Variants in AFAP1L1 observed in about 807,000 individuals in gnomAD.
AFAP1L1 encodes the protein actin filament-associated protein 1-like 1.
In AFAP1L1, 77 loss-of-function variants were observed where a neutral mutation model predicts 99.8. The observed-to-expected ratio is 0.77, with a 90% CI of 0.64 to 0.93. The LOEUF (loss-of-function observed/expected upper bound fraction) is 0.93, where lower values mean the gene tolerates loss of function less well. Among genes scored for constraint, AFAP1L1 ranks in the 40% least tolerant of loss-of-function variants. The probability of loss-of-function intolerance (pLI) is 0.00; values close to 1 mark genes in which losing one functional copy is unlikely to be tolerated. For missense variants in AFAP1L1, 893 were observed against 996.8 expected, an observed-to-expected ratio of 0.90 and a Z score of 1.40; for synonymous variants, 373 against 395.3, an observed-to-expected ratio of 0.94 and a Z score of 0.67.
rs758297836 is a variant in AFAP1L1, at chr5:149,307,642, C to T, written c.747+29C>T. 23 of 1,607,130 alleles carry T rather than the reference C, an allele frequency of 1.4e-5. No homozygotes were observed. The South Asian group carries it at 1.7e-4, about 12-fold the overall frequency. On this transcript the variant is annotated intron_variant, in intron 7 of 18. Transcript: ENST00000296721. ...AGTGGTCAGCAGCAGCCATGTGCCT[C>T]GGCCTCACATGGACTTGCATGTGGG...
intron 1 of AFAP1L1, among the ~76,000 whole-genome samples, chr5:149,291,082 A>C (rs1211462008): frequency 1.3e-5 from 2 of 152,196 alleles, no homozygotes; most frequent in Non-Finnish European, 2.9e-5. Flanking sequence ...AGAACAAGGA[A>C]GGTATCCCTG....
intron 7 of AFAP1L1, among the ~76,000 whole-genome samples, chr5:149,308,742 C>T (rs192679958): frequency 2.0e-5 from 3 of 152,200 alleles, no homozygotes; most frequent in East Asian, 3.9e-4. Context: ...ACCTCAAGCA[C>T]AATGCAAACA....
In AFAP1L1 at chr5:149,278,075, A is replaced by G. The variant is rs544357628; in HGVS notation, c.16+6091A>G. Among the ~76,000 whole-genome samples the G allele has an allele frequency of 3.3e-5, 5 of 152,298 alleles. No individual in the cohort carries two copies. In the South Asian group the frequency reaches 1.0e-3, roughly 32 times the overall value. On this transcript the variant is annotated intron_variant, in intron 1 of 18. Coordinates refer to ENST00000296721, the MANE Select transcript of AFAP1L1 (RefSeq NM_152406.4). ...CTCCCTCCCACCCTCTGCCAAGAAC[A>G]TATCGTTACTCCATTCTCATCTTTG...
At chr5:149,323,519 C>T (rs1163610668) in intron 15 of AFAP1L1, among the ~76,000 whole-genome samples, 1 of 152,236 alleles carries the variant, frequency 6.6e-6, no homozygotes, top group African/African-American at 2.4e-5. Flanking sequence ...CTTTACATTT[C>T]TTCCCCCTGC....
chr5:149,320,575 G>T lies in AFAP1L1; in HGVS notation c.1698+112G>T, dbSNP rs552444652. On this transcript the variant is annotated intron_variant, in intron 14 of 18. Transcript: ENST00000296721. The surrounding 1 kb of genome is among the most constrained non-coding windows in gnomAD (Gnocchi z 4.0). The stretch of plus-strand genomic sequence containing the variant: ...AAAGATCATTTTCATTTAAGCAGCA[G>T]TAGCTAGAAGGGGAGCCCCTTCTTA... 2.8e-5 allele frequency: 27 copies of T among 972,956 alleles called. No homozygotes were observed. In the East Asian group the frequency reaches 6.1e-4, roughly 22 times the overall value. The allele number at this position is 972,956 out of a possible 1,614,324, so 60.3% of individuals were successfully genotyped here.
intron 1 of AFAP1L1, among the ~76,000 whole-genome samples, chr5:149,293,349 C>T (rs1233343417): frequency 6.6e-6 from 1 of 152,224 alleles, no homozygotes; most frequent in East Asian, 1.9e-4. Flanking sequence ...AGCCCAAATT[C>T]TCCAAGCCTG....
chr5:149,278,112 C>T (rs1394176814), intron 1 of AFAP1L1, among the ~76,000 whole-genome samples: 1 of 152,212 alleles, frequency 6.6e-6, no homozygotes, highest in Non-Finnish European at 1.5e-5. Flanking sequence ...TCCAGAAAAA[C>T]AATCCTGGTT....
intron 15 of AFAP1L1, among the ~76,000 whole-genome samples, chr5:149,329,405 C>T (rs1039941789): frequency 1.3e-5 from 2 of 152,222 alleles, no homozygotes; most frequent in African/African-American, 4.8e-5. Context: ...TGTCACACAA[C>T]CTTTGACCAG....
chr5:149,272,801 C>T (rs113431010), intron 1 of AFAP1L1, among the ~76,000 whole-genome samples: 1 of 75,266 alleles, frequency 1.3e-5, no homozygotes, highest in Non-Finnish European at 3.8e-5. Context: ...CTCCCGGGTT[C>T]AAGCGATTCT....
At chr5:149,308,463 TA>T (rs1756503404) in intron 7 of AFAP1L1, among the ~76,000 whole-genome samples, 1 of 152,218 alleles carries the variant, frequency 6.6e-6, no homozygotes, top group Non-Finnish European at 1.5e-5. Context: ...TTGCTTTTTT[TA>T]AGAAGGATTT....
chr5:149,328,029 A>C (rs963573891), intron 15 of AFAP1L1, among the ~76,000 whole-genome samples: 1 of 152,222 alleles, frequency 6.6e-6, no homozygotes, highest in Admixed American at 6.5e-5. Context: ...ACAAGGAAAA[A>C]ATCTTGAAGG....
At chr5:149,300,522 G>T (rs1241244209) in intron 3 of AFAP1L1, among the ~76,000 whole-genome samples, 168 bp downstream of exon 3, 3 of 152,226 alleles carry the variant, frequency 2.0e-5, no homozygotes, top group Non-Finnish European at 4.4e-5. Flanking sequence ...TCTAATCAAA[G>T]TCTGCATAGG....
intron 11 of AFAP1L1, among the ~76,000 whole-genome samples, chr5:149,316,765 AT>A (rs1462635046): frequency 6.6e-6 from 1 of 152,208 alleles, no homozygotes; most frequent in Non-Finnish European, 1.5e-5. Flanking sequence ...TGAAAACATT[AT>A]TTTGCTCATG....
chr5:149,315,781 A>G, intron 9 of AFAP1L1, 40 bp from the exon 10 acceptor site: 1 of 1,580,616 alleles, frequency 6.3e-7, no homozygotes, highest in Non-Finnish European at 8.7e-7. Flanking sequence ...GTACTTCTGA[A>G]TGTGCCCTCT....
chr5:149,322,185 T>C (rs1324921663), intron 14 of AFAP1L1, among the ~76,000 whole-genome samples: 1 of 152,246 alleles, frequency 6.6e-6, no homozygotes, highest in Non-Finnish European at 1.5e-5. Context: ...GTTAATCTAT[T>C]AAGTTATGTC....
intron 9 of AFAP1L1, 68 bp downstream of exon 9, chr5:149,312,272 G>T: frequency 6.7e-7 from 1 of 1,495,754 alleles, no homozygotes; most frequent in East Asian, 2.3e-5. Context: ...TCAACCCCAG[G>T]GGAACTAACT....
chr5:149,280,605 A>T (rs751194875), intron 1 of AFAP1L1, among the ~76,000 whole-genome samples: 3 of 152,036 alleles, frequency 2.0e-5, no homozygotes, highest in Non-Finnish European at 4.4e-5. Flanking sequence ...TCTGTCTTTC[A>T]CACTTTTCAA....
intron 1 of AFAP1L1, among the ~76,000 whole-genome samples, chr5:149,275,339 G>C (rs575684664): frequency 1.4e-4 from 21 of 152,306 alleles, no homozygotes; most frequent in African/African-American, 5.1e-4. Flanking sequence ...GGTGCAGTCA[G>C]GGTTAGTGTC....
Position 149,322,598 on chromosome 5 carries a change from C to A in AFAP1L1, c.1699-8C>A. On this transcript the variant is annotated splice_region_variant and splice_polypyrimidine_tract_variant and intron_variant, in intron 14 of 18. Coordinates refer to ENST00000296721, the MANE Select transcript of AFAP1L1 (RefSeq NM_152406.4). Reference sequence around the variant, plus strand: ...TGAACTTGACTGTCTTCCTCCATCTCCCACCAGGACGAGGAGCCCGAGCGC... The same window carrying A: ...TGAACTTGACTGTCTTCCTCCATCTACCACCAGGACGAGGAGCCCGAGCGC... The A allele has an allele frequency of 6.4e-7, 1 of 1,560,304 alleles. No homozygotes were observed. The highest frequency in any genetic ancestry group is 8.7e-7 in the Non-Finnish European group (1 of 1,150,766).
Sources: allele counts gnomAD v4.1 joint callset (sites outside exome capture counted in the v4.1 genomes callset), GRCh38; gene constraint gnomAD v4.1.1; non-coding constraint Gnocchi (gnomAD v3.1); transcripts MANE v1.5; gene names NCBI Gene and HGNC (gene_info 2026-07-23, HGNC 2026-07-21).